Variants in DHRS12 observed in about 807,000 individuals in gnomAD.
DHRS12 encodes the protein dehydrogenase/reductase SDR family member 12.
In DHRS12, 29 loss-of-function variants were observed where a neutral mutation model predicts 32.1. The ratio of observed to expected loss-of-function variants is 0.90; its 90% confidence interval spans 0.67 to 1.23. The LOEUF (loss-of-function observed/expected upper bound fraction) is 1.23, where lower values mean the gene tolerates loss of function less well. Ranked by LOEUF, DHRS12 falls within the 50% of genes most tolerant of loss-of-function variation. DHRS12 has a pLI of 0.00. For missense variants in DHRS12, 330 were observed against 337.2 expected (o/e 0.98, Z 0.17); for synonymous variants, 150 against 135.9 (o/e 1.10, Z -0.72).
At chr13:51,763,803 A>G (rs1566256918), downstream of DHRS12, 1 of 152,186 alleles carries the variant, frequency 6.6e-6, no homozygotes, top group Non-Finnish European at 1.5e-5. Context: ...GAATAAATAA[A>G]CAAAAGTATA....
At chr13:51,794,835 C>T (rs115669938) in intron 2 of DHRS12, among the ~76,000 whole-genome samples, 1,583 of 150,976 alleles carry the variant, frequency 0.01, 12 homozygotes, top group African/African-American at 0.018. Context: ...AACTGCTAGA[C>T]GAAAGTCTGG....
At chr13:51,791,488 T>C (rs952044470) in intron 2 of DHRS12, among the ~76,000 whole-genome samples, 2 of 151,922 alleles carry the variant, frequency 1.3e-5, no homozygotes, top group Non-Finnish European at 2.9e-5. Context: ...AAGATATATA[T>C]TTTATATATA....
rs41292774 is a variant in DHRS12 at position 51,768,657 on chromosome 13, C to G, written c.698-361G>C. The stretch of plus-strand genomic sequence containing the variant: ...GAGGAAAGAGAAGCCAAGCAAAGAG[C>G]CTGGCTTCCACCCGAGGTCAAGTGC... On this transcript the variant is annotated intron_variant, in intron 8 of 8. Coordinates refer to ENST00000444610, the MANE Select transcript of DHRS12 (RefSeq NM_001377533.1). The G allele has an allele frequency of 8.2e-3, 9,262 of 1,135,566 alleles. 53 individuals are homozygous for G. Among genetic ancestry groups the G allele is most frequent in the Non-Finnish European group, 9.0e-3 (8,347 of 924,078 alleles). The allele number at this position is 1,135,566 out of a possible 1,614,324, so 70.3% of individuals were successfully genotyped here.
intron 7 of DHRS12, chr13:51,771,016 G>A (rs1953984133): frequency 4.2e-6 from 6 of 1,419,820 alleles, no homozygotes; most frequent in South Asian, 3.1e-5. Context: ...CATGCCAGCA[G>A]TGTGTGAGAG....
intron 7 of DHRS12, 190 bp downstream of exon 7, chr13:51,771,631 A>G (rs1189398018): frequency 6.9e-7 from 1 of 1,447,264 alleles, no homozygotes; most frequent in African/African-American, 1.4e-5. Flanking sequence ...CTGGAAGCAA[A>G]AGCTCTGTGT....
intron 2 of DHRS12, among the ~76,000 whole-genome samples, chr13:51,795,881 C>A (rs1325135708): frequency 1.3e-5 from 2 of 152,144 alleles, no homozygotes; most frequent in Non-Finnish European, 2.9e-5. Context: ...TGTCCCCCAA[C>A]CCACCCCCAC....
chr13:51,769,180 G>T lies in DHRS12; in HGVS notation c.673C>A (p.Gln225Lys), dbSNP rs984110717. ...WLALSSAAAA[Q>K]PSGRFFQDRK... is the part of the protein sequence containing the mutation. ...CCTTGAAAGAAGCGGCCGCTGGGCT[G>T]TGCGGCTGCGGCAGAGGAGAGGGCC... is the stretch of plus-strand genomic sequence containing the variant. Residue 225 changes from glutamine to lysine, a missense_variant, in exon 8 of 9, where the codon CAG (glutamine) becomes AAG (lysine). Transcript: ENST00000444610. 6.4e-7 allele frequency: 1 copy of T among 1,554,138 alleles called. No individual in the cohort carries two copies. Among genetic ancestry groups the T allele is most frequent in the African/African-American group, 1.4e-5 (1 of 73,394 alleles).
chr13:51,796,998 C>T (rs1249913038), intron 2 of DHRS12, among the ~76,000 whole-genome samples: 3 of 152,188 alleles, frequency 2.0e-5, no homozygotes, highest in African/African-American at 7.2e-5. Flanking sequence ...AGGGTGGGTA[C>T]TGTCTGTCCC....
chr13:51,793,950 T>C (rs1191467074), intron 2 of DHRS12, among the ~76,000 whole-genome samples: 1 of 152,168 alleles, frequency 6.6e-6, no homozygotes, highest in Non-Finnish European at 1.5e-5. Context: ...AAGGAGGCAA[T>C]AGCAGGGAAG....
chr13:51,784,717 G>A (rs1185760131), intron 4 of DHRS12, among the ~76,000 whole-genome samples: 1 of 152,220 alleles, frequency 6.6e-6, no homozygotes, highest in Non-Finnish European at 1.5e-5. Context: ...CCAAACGCGT[G>A]CCCTGTCTAA....
chr13:51,778,163 C>T (rs1257518252), intron 4 of DHRS12, among the ~76,000 whole-genome samples: 1 of 152,234 alleles, frequency 6.6e-6, no homozygotes, highest in Non-Finnish European at 1.5e-5. Context: ...AGCGGTGTGA[C>T]CGTAGGCAAG....
At chr13:51,783,155 T>G (rs2139146583) in intron 4 of DHRS12, among the ~76,000 whole-genome samples, 1 of 152,300 alleles carries the variant, frequency 6.6e-6, no homozygotes, top group East Asian at 1.9e-4. Context: ...ACTTCTGAGC[T>G]TGTCCATTCT....
chr13:51,787,930 CTTATATATATAA>C (rs1175614875), intron 4 of DHRS12, among the ~76,000 whole-genome samples: 1 of 19,110 alleles, frequency 5.2e-5, no homozygotes, highest in Non-Finnish European at 1.4e-4. Flanking sequence ...ATAATATATA[CTTATATATATAA>C]TTATATATAA....
intron 3 of DHRS12, 56 bp downstream of exon 3, chr13:51,791,109 G>A (rs1593552271): frequency 1.6e-6 from 2 of 1,288,168 alleles, no homozygotes; most frequent in East Asian, 4.9e-5. Context: ...CACATCCACA[G>A]ACGGAAACAA....
chr13:51,768,636 A>G (rs1953863440), intron 8 of DHRS12: 8 of 1,143,520 alleles, frequency 7.0e-6, no homozygotes, highest in Non-Finnish European at 8.6e-6. Flanking sequence ...AGAACAGAGG[A>G]AAGAGAAGCC....
chr13:51,757,444 C>A, the DHRS12 span, among the ~76,000 whole-genome samples: 1 of 144,416 alleles, frequency 6.9e-6, no homozygotes. Flanking sequence ...GCAGATTTAG[C>A]TATAGAAAAA....
In DHRS12 at chr13:51,771,703, ACTC is replaced by A. The variant is rs1049308639; in HGVS notation, c.559+115_559+117del. On this transcript the variant is annotated intron_variant, in intron 7 of 8. Transcript: ENST00000444610. The stretch of plus-strand genomic sequence containing the variant: ...CCCCTGCCTAAATGGAAATGAAGCT[ACTC>A]CTCAGTCCTCATTACGCTGGTTTTA... 1.7e-5 allele frequency: 23 copies of A among 1,360,008 alleles called. No individual in the cohort carries two copies. In the African/African-American group the frequency reaches 3.2e-4, roughly 19 times the overall value. 84.2% of individuals were successfully genotyped at this position (1,360,008 alleles called of 1,614,324 possible).
chr13:51,804,149 C>G lies in DHRS12; in HGVS notation c.-104G>C. 1.4e-6 allele frequency: 2 copies of G among 1,441,320 alleles called. No individual in the cohort carries two copies. Among genetic ancestry groups the G allele is most frequent in the Non-Finnish European group, 1.8e-6 (2 of 1,100,272 alleles). The allele number at this position is 1,441,320 out of a possible 1,614,324, so 89.3% of individuals were successfully genotyped here. Reference sequence around the variant, plus strand: ...ACGCCTAGCCCCACCGCGCTCCCGGCGCGGCCTCCGCCCTGGTCCCGCCCC... The same window carrying G: ...ACGCCTAGCCCCACCGCGCTCCCGGGGCGGCCTCCGCCCTGGTCCCGCCCC... On this transcript the variant is annotated 5_prime_UTR_variant, in exon 1 of 9. Coordinates refer to ENST00000444610, the MANE Select transcript of DHRS12 (RefSeq NM_001377533.1).
intron 4 of DHRS12, among the ~76,000 whole-genome samples, chr13:51,786,000 T>C (rs951009589): frequency 6.6e-6 from 1 of 152,232 alleles, no homozygotes; most frequent in East Asian, 1.9e-4. Flanking sequence ...GTGCTCAGTA[T>C]GTGCTATTGT....
Sources: gnomAD v4.1 joint callset for allele counts (sites outside exome capture counted in the v4.1 genomes callset) on GRCh38, gnomAD v4.1.1 for gene constraint, MANE v1.5 for transcripts, NCBI Gene and HGNC (gene_info 2026-07-23, HGNC 2026-07-21) for gene names.